Variants in PLD5 observed in about 807,000 individuals in gnomAD.
PLD5 encodes the protein phospholipase D family member 5.
Under a neutral mutation model 61.1 loss-of-function variants are expected in PLD5, and 36 were observed. The observed-to-expected ratio is 0.59, with a 90% CI of 0.45 to 0.78. PLD5 has a LOEUF of 0.78. Among genes scored for constraint, PLD5 ranks in the 30% least tolerant of loss-of-function variants. The pLI is 0.00. For missense variants in PLD5, 515 were observed against 644.4 expected (o/e 0.80, Z 2.17); for synonymous variants, 243 against 242.8 (o/e 1.00, Z -0.01).
chr1:242,092,668 A>G (rs1659926411), intron 9 of PLD5, among the ~76,000 whole-genome samples: 1 of 152,100 alleles, frequency 6.6e-6, no homozygotes, highest in African/African-American at 2.4e-5. Flanking sequence ...AGACGCTGAG[A>G]TCATCTGTCT....
At chr1:242,101,719 T>C (rs1253763971) in intron 8 of PLD5, among the ~76,000 whole-genome samples, 1 of 152,208 alleles carries the variant, frequency 6.6e-6, no homozygotes, top group Non-Finnish European at 1.5e-5. Flanking sequence ...TTTACAGTTT[T>C]AAAACTGTAA....
chr1:242,436,471 G>A (rs73136201), intron 1 of PLD5, among the ~76,000 whole-genome samples: 2,077 of 152,046 alleles, frequency 0.014, 59 homozygotes, highest in African/African-American at 0.047. Context: ...ATTGTTCTTA[G>A]AATTCACCTT....
chr1:242,345,081 C>T (rs1252293971), intron 2 of PLD5, among the ~76,000 whole-genome samples: 2 of 152,066 alleles, frequency 1.3e-5, no homozygotes, highest in African/African-American at 4.8e-5. Flanking sequence ...GGGTCCTTCC[C>T]ACAACACGTG....
At chr1:242,255,360 C>T (rs1672952870) in intron 4 of PLD5, among the ~76,000 whole-genome samples, 1 of 152,168 alleles carries the variant, frequency 6.6e-6, no homozygotes, top group African/African-American at 2.4e-5. Flanking sequence ...AATTATAAAG[C>T]AGTAAAACCT....
intron 1 of PLD5, among the ~76,000 whole-genome samples, chr1:242,419,620 G>C (rs1665031884): frequency 4.2e-5 from 5 of 119,400 alleles, no homozygotes; most frequent in Admixed American, 4.1e-4. Flanking sequence ...TCACTATGTT[G>C]GTCAGATTGG....
chr1:242,353,846 T>C (rs1660606126), intron 1 of PLD5, among the ~76,000 whole-genome samples: 1 of 151,168 alleles, frequency 6.6e-6, no homozygotes, highest in Non-Finnish European at 1.5e-5. Flanking sequence ...CTTGATTAAA[T>C]TTATTCCTAT....
intron 1 of PLD5, among the ~76,000 whole-genome samples, chr1:242,394,801 T>C (rs1467992812): frequency 2.9e-5 from 2 of 68,832 alleles, no homozygotes; most frequent in South Asian, 4.4e-4. Flanking sequence ...AATATATATG[T>C]GTATATATGT....
rs76591117 is a variant in PLD5, at chr1:242,200,226, C to G, written c.735+19762G>C. On this transcript the variant is annotated intron_variant, in intron 5 of 9. Coordinates refer to ENST00000536534, the MANE Select transcript of PLD5 (RefSeq NM_001372062.1). ...CTTATACTTGTTGGTACAGGAATAC[C>G]TGAATTCCAAAATGCCTGCGTTGAT... 2.5e-3 allele frequency among the ~76,000 whole-genome samples: 381 copies of G among 152,324 alleles called. 1 individual carries two copies. The highest frequency in any genetic ancestry group is 8.6e-3 in the African/African-American group (359 of 41,562).
intron 1 of PLD5, among the ~76,000 whole-genome samples, chr1:242,443,386 T>C (rs11807011): frequency 0.037 from 5,628 of 152,218 alleles, 330 homozygotes; most frequent in African/African-American, 0.12. Context: ...CTTATATCTA[T>C]GTGTAATACA....
intron 1 of PLD5, among the ~76,000 whole-genome samples, chr1:242,467,217 G>T (rs1034199058): frequency 3.3e-5 from 5 of 152,016 alleles, no homozygotes; most frequent in Non-Finnish European, 7.4e-5. Flanking sequence ...ATTCTCACTT[G>T]TTAATTATAA....
intron 1 of PLD5, among the ~76,000 whole-genome samples, chr1:242,462,429 C>G (rs1443148875): frequency 6.6e-6 from 1 of 151,932 alleles, no homozygotes; most frequent in African/African-American, 2.4e-5. Context: ...GAGCACACCT[C>G]AACATAAAAC....
chr1:242,208,674 G>A (rs1159285850), intron 5 of PLD5, among the ~76,000 whole-genome samples: 10 of 152,178 alleles, frequency 6.6e-5, no homozygotes, highest in Admixed American at 6.5e-4. Flanking sequence ...GGTCTGGGGA[G>A]GTTGCTAAGC....
intron 2 of PLD5, among the ~76,000 whole-genome samples, chr1:242,295,789 C>T (rs1369282697): frequency 1.3e-5 from 2 of 152,160 alleles, no homozygotes; most frequent in African/African-American, 4.8e-5. Flanking sequence ...TTCTCTACAT[C>T]CATGCCAACT....
intron 5 of PLD5, among the ~76,000 whole-genome samples, chr1:242,175,793 T>C (rs1170218040): frequency 5.1e-4 from 77 of 152,216 alleles, no homozygotes; most frequent in Non-Finnish European, 4.4e-5. Context: ...CAGGCATTCC[T>C]ATACACCAAT....
At chr1:242,211,914 T>G (rs1669849618) in intron 5 of PLD5, among the ~76,000 whole-genome samples, 2 of 152,184 alleles carry the variant, frequency 1.3e-5, no homozygotes, top group South Asian at 4.1e-4. Context: ...CAGGCTCAAT[T>G]AAGGGACCTA....
intron 5 of PLD5, among the ~76,000 whole-genome samples, chr1:242,159,989 T>G (rs1048161242): frequency 7.2e-5 from 11 of 152,092 alleles, no homozygotes; most frequent in Admixed American, 5.9e-4. Flanking sequence ...TTAAAAATAT[T>G]AGCTGAATTC....
intron 2 of PLD5, among the ~76,000 whole-genome samples, chr1:242,315,410 T>C (rs1676946401): frequency 6.6e-6 from 1 of 152,186 alleles, no homozygotes; most frequent in Non-Finnish European, 1.5e-5. Flanking sequence ...CAAACATTTA[T>C]TGAGTACCTA....
At chr1:242,438,016 C>T (rs1193400031) in intron 1 of PLD5, among the ~76,000 whole-genome samples, 1 of 152,186 alleles carries the variant, frequency 6.6e-6, no homozygotes, top group African/African-American at 2.4e-5. Flanking sequence ...CTACCCTTCC[C>T]ATTTTTTACC....
At chr1:242,125,746 A>G (rs1662732237) in intron 5 of PLD5, among the ~76,000 whole-genome samples, 1 of 151,776 alleles carries the variant, frequency 6.6e-6, no homozygotes, top group African/African-American at 2.4e-5. Context: ...CTTCCCCAAG[A>G]CTCTTTACTC....
Sources: allele counts gnomAD v4.1 joint callset (sites outside exome capture counted in the v4.1 genomes callset), GRCh38; gene constraint gnomAD v4.1.1; transcripts MANE v1.5; gene names NCBI Gene and HGNC (gene_info 2026-07-23, HGNC 2026-07-21).